The following BANF2 variants were observed in gnomAD, a reference collection of about 807,000 sequenced individuals.
The protein encoded by BANF2 is barrier-to-autointegration factor-like protein.
A neutral mutation model predicts 8.0 loss-of-function variants in BANF2; 4 were observed. The observed-to-expected ratio is 0.50, with a 90% CI of 0.25 to 1.14. The LOEUF (loss-of-function observed/expected upper bound fraction) is 1.14, where lower values mean the gene tolerates loss of function less well. Among genes scored for constraint, BANF2 ranks in the 50% most tolerant of loss-of-function variants. The pLI, the probability that BANF2 is intolerant of heterozygous loss-of-function variation, is 0.16. For synonymous variants in BANF2, 50 were observed against 40.6 expected (o/e 1.23, Z -0.88); for missense variants, 96 against 107.5 (o/e 0.89, Z 0.47).
intron 3 of BANF2, among the ~76,000 whole-genome samples, chr20:17,728,542 G>T (rs1010029767): frequency 6.6e-6 from 1 of 152,110 alleles, no homozygotes; most frequent in Non-Finnish European, 1.5e-5. Context: ...CTCTCACACA[G>T]GTCTTTCAGC....
chr20:17,707,491 T>TTGTAGATA (rs2037500440), intron 1 of BANF2, among the ~76,000 whole-genome samples: 1 of 152,144 alleles, frequency 6.6e-6, no homozygotes, highest in Admixed American at 6.5e-5. Flanking sequence ...CAGTCACTGT[T>TTGTAGATA]TGTAGATATT....
chr20:17,730,157 G>C (rs2037870969), intron 3 of BANF2, among the ~76,000 whole-genome samples: 1 of 152,198 alleles, frequency 6.6e-6, no homozygotes, highest in Non-Finnish European at 1.5e-5. Flanking sequence ...GCACCTCTAA[G>C]TGCATTATGT....
chr20:17,716,363 CAG>C (rs1489388455), intron 1 of BANF2, among the ~76,000 whole-genome samples: 2 of 151,896 alleles, frequency 1.3e-5, no homozygotes, highest in African/African-American at 4.8e-5. Flanking sequence ...TTTTTTGAGA[CAG>C]GGTCTCCCCT....
chr20:17,725,138 A>G lies in BANF2; in HGVS notation c.113A>G (p.Lys38Arg). ...GAGCTCGCGATCAATTTGGTCACCA[A>G]AGGTATCAATAAGGTAATTCATATT... is the stretch of plus-strand genomic sequence containing the variant. ...SHELAINLVTKGINKAYILLG... is the reference protein window; with the variant it reads ...SHELAINLVTRGINKAYILLG... Residue 38 changes from lysine to arginine, a missense_variant, in exon 3 of 4, where the codon AAA (lysine) becomes AGA (arginine). Physicochemically the swap from Lys to Arg is conservative, Grantham distance 26. Coordinates refer to ENST00000246090, the MANE Select transcript of BANF2 (RefSeq NM_178477.5). 1 of 1,612,604 alleles carries G rather than the reference A, an allele frequency of 6.2e-7. No homozygotes were observed. The highest frequency in any genetic ancestry group is 1.7e-5 in the Admixed American group (1 of 60,024).
chr20:17,712,631 C>A, intron 1 of BANF2: 1 of 757,738 alleles, frequency 1.3e-6, no homozygotes, highest in Non-Finnish European at 1.6e-6. Context: ...ATGAGGTGAG[C>A]CTTCTTCCTC....
At chr20:17,697,221 T>C (rs2037353771), upstream of BANF2, among the ~76,000 whole-genome samples, 1 of 152,180 alleles carries the variant, frequency 6.6e-6, no homozygotes, top group Non-Finnish European at 1.5e-5. Context: ...TATATGGTGC[T>C]AGCTCCACCT....
At chr20:17,727,064 T>A in intron 3 of BANF2, among the ~76,000 whole-genome samples, 1 of 152,174 alleles carries the variant, frequency 6.6e-6, no homozygotes, top group East Asian at 1.9e-4. Context: ...GTGAATAGCT[T>A]AACTGTGTTT....
At chr20:17,735,313 G>C (rs2037961762) in intron 3 of BANF2, among the ~76,000 whole-genome samples, 1 of 152,182 alleles carries the variant, frequency 6.6e-6, no homozygotes, top group Non-Finnish European at 1.5e-5. Context: ...GCAGCTGGGA[G>C]CATGTTAGAA....
At chr20:17,723,097 G>A (rs1302728308) in intron 2 of BANF2, among the ~76,000 whole-genome samples, 1 of 152,162 alleles carries the variant, frequency 6.6e-6, no homozygotes, top group Non-Finnish European at 1.5e-5. Flanking sequence ...CTGTATCATA[G>A]TCCCATATTG....
chr20:17,720,814 C>T (rs947960920), intron 1 of BANF2, among the ~76,000 whole-genome samples: 1 of 152,168 alleles, frequency 6.6e-6, no homozygotes, highest in African/African-American at 2.4e-5. Flanking sequence ...GTATATTTTA[C>T]CACAATTAAT....
chr20:17,694,599 C>CTTTTTTTTTTTTTTTTTTTTTTT (rs1256251082), intron 1 of BANF2, among the ~76,000 whole-genome samples: 1 of 82,778 alleles, frequency 1.2e-5, no homozygotes, highest in African/African-American at 4.9e-5. Flanking sequence ...TTTTTTCTCT[C>CTTTTTTTTTTTTTTTTTTTTTTT]TCTTTTTTTT....
rs373982840 is a variant in BANF2, at chr20:17,703,740, C to CTTT, written c.-167+3704_-167+3706dup. Among the ~76,000 whole-genome samples the CTTT allele has an allele frequency of 2.1e-3, 258 of 122,566 alleles. 5 individuals carry two copies. The Middle Eastern group carries it at 0.023, about 11-fold the overall frequency. The allele number at this position is 122,566 out of a possible 152,430, so 80.4% of individuals were successfully genotyped here. On this transcript the variant is annotated intron_variant, in intron 1 of 3. Coordinates refer to ENST00000246090, the MANE Select transcript of BANF2 (RefSeq NM_178477.5). ...GGAGGTCTCAGGGCAAGTAGGCTGA[C>CTTT]TTTTTTTTTTTTTTTTTTTTTGACA...
intron 1 of BANF2, among the ~76,000 whole-genome samples, chr20:17,713,450 G>C (rs761393333): frequency 1.3e-5 from 2 of 152,100 alleles, no homozygotes; most frequent in Non-Finnish European, 2.9e-5. Flanking sequence ...GGGGGAAATG[G>C]GGAGTTGTTT....
At chr20:17,720,619 G>A (rs940551427) in intron 1 of BANF2, among the ~76,000 whole-genome samples, 9 of 152,238 alleles carry the variant, frequency 5.9e-5, no homozygotes, top group Non-Finnish European at 1.2e-4. Flanking sequence ...TAATAGAAAC[G>A]GAAAATAGAA....
Position 17,722,275 on chromosome 20 carries a change from G to A in BANF2, c.-166-441G>A, listed in dbSNP as rs1242702879. ...CACAAGGTGTTACTAAGCATTACCC[G>A]TCTTTGATGCTGCTGATGCATTGAT... On this transcript the variant is annotated intron_variant, in intron 1 of 3. Coordinates refer to ENST00000246090, the MANE Select transcript of BANF2 (RefSeq NM_178477.5). Among the ~76,000 whole-genome samples, 15 of 152,346 alleles carry A rather than the reference G, an allele frequency of 9.8e-5. No homozygotes were observed. In the South Asian group the frequency reaches 1.2e-3, roughly 13 times the overall value.
chr20:17,731,046 T>G (rs1186030077), intron 3 of BANF2: 1 of 152,180 alleles, frequency 6.6e-6, no homozygotes, highest in Non-Finnish European at 1.5e-5. Flanking sequence ...GGAAGATCAC[T>G]TGAGGTCAGG....
chr20:17,694,450 A>C (rs1359734470), intron 1 of BANF2, among the ~76,000 whole-genome samples: 4 of 152,070 alleles, frequency 2.6e-5, no homozygotes, highest in African/African-American at 9.7e-5. Context: ...AACTGAGTGG[A>C]AGCTGGTGAG....
intron 1 of BANF2, among the ~76,000 whole-genome samples, chr20:17,709,694 A>T (rs556066996): frequency 2.0e-5 from 3 of 152,314 alleles, no homozygotes; most frequent in African/African-American, 7.2e-5. Flanking sequence ...GAGAACACAG[A>T]TATTAGGCTG....
At chr20:17,734,695 C>A (rs1302782076) in intron 3 of BANF2, among the ~76,000 whole-genome samples, 4 of 152,110 alleles carry the variant, frequency 2.6e-5, no homozygotes, top group Non-Finnish European at 5.9e-5. Context: ...CACCGGCATG[C>A]GTAGAGATCA....
Sources: allele counts gnomAD v4.1 joint callset (sites outside exome capture counted in the v4.1 genomes callset), GRCh38; gene constraint gnomAD v4.1.1; transcripts MANE v1.5; gene names NCBI Gene and HGNC (gene_info 2026-07-23, HGNC 2026-07-21).